Variants in PCDHGA4 observed in about 807,000 individuals in gnomAD.
PCDHGA4 encodes protocadherin gamma-A4.
Under a neutral mutation model 54.6 loss-of-function variants are expected in PCDHGA4, and 38 were observed. The ratio of observed to expected loss-of-function variants is 0.70; its 90% CI spans 0.54 to 0.91. The LOEUF (loss-of-function observed/expected upper bound fraction) is 0.91, where lower values mean the gene tolerates loss of function less well. Among genes scored for constraint, PCDHGA4 ranks in the 40% least tolerant of loss-of-function variants. The pLI is 0.00. For synonymous variants in PCDHGA4, 511 were observed against 512.9 expected (o/e 1.00, Z 0.05); for missense variants, 1,298 against 1,220.9 (o/e 1.06, Z -0.94).
At chr5:141,362,190 G>C (rs772308908) in intron 1 of PCDHGA4, 39 of 1,613,930 alleles carry the variant, frequency 2.4e-5, no homozygotes, top group Non-Finnish European at 3.0e-5. Context: ...CTGACCCCCA[G>C]GCAAAACTGC....
intron 1 of PCDHGA4, among the ~76,000 whole-genome samples, chr5:141,483,689 G>A (rs1234666254): frequency 6.6e-6 from 1 of 152,022 alleles, no homozygotes; most frequent in Non-Finnish European, 1.5e-5. Flanking sequence ...CAGAAAGCCA[G>A]ATTCCTCTTT....
At position 141,511,319 on chromosome 5, in the gene PCDHGA4, C is replaced by T. The variant is rs2099883711; in HGVS notation, c.*146C>T. On this transcript the variant is annotated 3_prime_UTR_variant, in exon 4 of 4. Coordinates refer to ENST00000571252, the MANE Select transcript of PCDHGA4 (RefSeq NM_018917.4). ...CCATGCTCCCCTTGGGAAACAGAAA[C>T]AAGTGCCCAGTCAGCACCTACCCCT... 1.4e-6 allele frequency: 2 copies of T among 1,477,302 alleles called. No homozygotes were observed. The highest frequency in any genetic ancestry group is 1.4e-5 in the African/African-American group (1 of 70,920). 91.5% of individuals were successfully genotyped at this position (1,477,302 alleles called of 1,614,324 possible).
In PCDHGA4 at chr5:141,445,037, GT is replaced by G. The variant is rs2098454887; in HGVS notation, c.2515-49766del. 5.3e-5 allele frequency among the ~76,000 whole-genome samples: 8 copies of G among 152,072 alleles called. No homozygotes were observed. In the South Asian group the frequency reaches 1.7e-3, roughly 32 times the overall value. On this transcript the variant is annotated intron_variant, in intron 1 of 3. Transcript: ENST00000571252. ...TAATTTCTCTCAGCTATGTTGTATAGTTTTCAGTGTAGAGAGGTCATGTATA... is the reference window on the plus strand; with the variant it reads ...TAATTTCTCTCAGCTATGTTGTATAGTTTCAGTGTAGAGAGGTCATGTATA...
intron 1 of PCDHGA4, chr5:141,415,641 TAAA>T: frequency 7.8e-7 from 1 of 1,280,840 alleles, no homozygotes; most frequent in African/African-American, 1.5e-5. Context: ...TTACTTTTGT[TAAA>T]AAAAAAAAGA....
At chr5:141,375,072 G>A in intron 1 of PCDHGA4, 8 of 1,614,044 alleles carry the variant, frequency 5.0e-6, no homozygotes, top group Non-Finnish European at 6.8e-6. Flanking sequence ...CTTCGAGACA[G>A]AGCGAAAGTC....
At position 141,356,229 on chromosome 5, in the gene PCDHGA4, C is replaced by A. The variant is rs371768602; in HGVS notation, c.1122C>A (p.Asn374Lys). ...TGACAGTTCTGGATGAAAATGACAACGCACCAGAAGTCACAGTTACATCTC... is the reference window on the plus strand; with the variant it reads ...TGACAGTTCTGGATGAAAATGACAAAGCACCAGAAGTCACAGTTACATCTC... ...VLVTVLDEND[N>K]APEVTVTSLT... Residue 374 changes from asparagine to lysine, a missense_variant, in exon 1 of 4, where the codon AAC becomes AAA. By Grantham distance (94) the Asn-to-Lys change is moderately conservative (BLOSUM62 0). Coordinates refer to ENST00000571252, the MANE Select transcript of PCDHGA4 (RefSeq NM_018917.4). The A allele has an allele frequency of 1.3e-6, 2 of 1,593,426 alleles. No individual in the cohort carries two copies. Among genetic ancestry groups the A allele is most frequent in the Admixed American group, 1.8e-5 (1 of 56,322 alleles).
rs761386567 is a variant in PCDHGA4 at position 141,383,468 on chromosome 5, A to G, written c.2514+25847A>G. ...GTGCAAAGTGGAGACGATGAAACTA[A>G]GTACCCGGAACTGGTGCTGGAGCGG... On this transcript the variant is annotated intron_variant, in intron 1 of 3. Transcript: ENST00000571252. The G allele has an allele frequency of 1.1e-5, 17 of 1,613,656 alleles. 1 individual carries two copies. In the South Asian group the frequency reaches 1.9e-4, roughly 18 times the overall value.
chr5:141,404,648 G>C (rs1178706213), intron 1 of PCDHGA4: 1 of 1,614,148 alleles, frequency 6.2e-7, no homozygotes, highest in African/African-American at 1.3e-5. Flanking sequence ...CCTGTACCCT[G>C]CCCTCCCCAC....
chr5:141,430,583 C>A, intron 1 of PCDHGA4: 1 of 490,378 alleles, frequency 2.0e-6, no homozygotes, highest in Non-Finnish European at 3.4e-6. Flanking sequence ...AGATCCTGCT[C>A]GCCTTGCACG....
At chr5:141,495,236 A>G (rs2099759742) in intron 2 of PCDHGA4, among the ~76,000 whole-genome samples, 1 of 152,168 alleles carries the variant, frequency 6.6e-6, no homozygotes, top group South Asian at 2.1e-4. Flanking sequence ...GGGCTCCATT[A>G]TGACCTGGGG....
intron 1 of PCDHGA4, among the ~76,000 whole-genome samples, chr5:141,433,513 C>T (rs2097615953): frequency 6.6e-6 from 1 of 152,066 alleles, no homozygotes; most frequent in Non-Finnish European, 1.5e-5. Flanking sequence ...GGATTACAGG[C>T]GTGAACCACA....
Position 141,432,089 on chromosome 5 carries a change from G to A in PCDHGA4, c.2515-62718G>A, listed in dbSNP as rs1325165974. On this transcript the variant is annotated intron_variant, in intron 1 of 3. Transcript: ENST00000571252. The surrounding 1 kb of genome is among the most constrained non-coding windows in gnomAD (Gnocchi z 6.0). Reference sequence around the variant, plus strand: ...AACTCATATCTCGCTGAACGTGGCAGACACCAACGACAACCCGCCGGTCTT... The same window carrying A: ...AACTCATATCTCGCTGAACGTGGCAAACACCAACGACAACCCGCCGGTCTT... The A allele has an allele frequency of 6.2e-7, 1 of 1,614,046 alleles. No homozygotes were observed. Among genetic ancestry groups the A allele is most frequent in the Non-Finnish European group, 8.5e-7 (1 of 1,180,052 alleles).
rs2093099818 is a variant in PCDHGA4 at position 141,394,799 on chromosome 5, A to T, written c.2514+37178A>T. On this transcript the variant is annotated intron_variant, in intron 1 of 3. Transcript: ENST00000571252. The stretch of plus-strand genomic sequence containing the variant: ...TCTCCGCCACTGTCACGCTCACCGT[A>T]GCCGTGGCTGACAGCATCCCCGAAG... 3 of 1,613,690 alleles carry T rather than the reference A, an allele frequency of 1.9e-6. No individual in the cohort carries two copies. The Admixed American group carries it at 5.0e-5, about 27-fold the overall frequency.
intron 3 of PCDHGA4, among the ~76,000 whole-genome samples, chr5:141,508,533 C>A (rs1396219805): frequency 6.6e-6 from 1 of 152,160 alleles, no homozygotes; most frequent in Non-Finnish European, 1.5e-5. Flanking sequence ...CAGGGCACCC[C>A]CCACGAGGTG....
chr5:141,375,327 T>A (rs1219155365), intron 1 of PCDHGA4: 2 of 1,613,686 alleles, frequency 1.2e-6, no homozygotes, highest in South Asian at 2.2e-5. Context: ...CGGGAAGAGG[T>A]ATTCTTGTAC....
At chr5:141,410,425 C>G (rs779212749) in intron 1 of PCDHGA4, 1 of 1,614,030 alleles carries the variant, frequency 6.2e-7, no homozygotes, top group South Asian at 1.1e-5. Flanking sequence ...TAGTTCCCCC[C>G]AACTACAGTG....
At position 141,491,583 on chromosome 5, in the gene PCDHGA4, C is replaced by T; in HGVS notation, c.2515-3224C>T. On this transcript the variant is annotated intron_variant, in intron 1 of 3. Transcript: ENST00000571252. The surrounding 1 kb of genome is among the most constrained non-coding windows in gnomAD (Gnocchi z 6.9). ...GCTACAGGACGTGCTTTTCACCGGC[C>T]TCGGACGGCAGTGACTTCACTTTTC... 1 of 1,613,964 alleles carries T rather than the reference C, an allele frequency of 6.2e-7. No individual in the cohort carries two copies. Among genetic ancestry groups the T allele is most frequent in the African/African-American group, 1.3e-5 (1 of 75,032 alleles).
chr5:141,487,391 A>C lies in PCDHGA4; in HGVS notation c.2515-7416A>C. 1 of 1,614,090 alleles carries C rather than the reference A, an allele frequency of 6.2e-7. No homozygotes were observed. The highest frequency in any genetic ancestry group is 1.1e-5 in the South Asian group (1 of 91,078). ...TGCCTGTCTCACCAGATCTCGAAGG[A>C]GGGAGGGGCTTCCCCCTTCCAATGG... On this transcript the variant is annotated intron_variant, in intron 1 of 3. Transcript: ENST00000571252. The surrounding 1 kb of genome is among the most constrained non-coding windows in gnomAD (Gnocchi z 5.0).
chr5:141,410,785 G>T, intron 1 of PCDHGA4: 1 of 804,598 alleles, frequency 1.2e-6, no homozygotes, highest in Non-Finnish European at 1.8e-6. Context: ...TATGTATTTG[G>T]TTCATAAGTT....
Sources: allele counts gnomAD v4.1 joint callset (sites outside exome capture counted in the v4.1 genomes callset), GRCh38; gene constraint gnomAD v4.1.1; non-coding constraint Gnocchi (gnomAD v3.1); transcripts MANE v1.5; gene names NCBI Gene and HGNC (gene_info 2026-07-23, HGNC 2026-07-21).